The following EPHB1 variants were observed in gnomAD, a reference collection of about 807,000 sequenced individuals.
EPHB1 encodes ephrin type-B receptor 1.
In EPHB1, 30 loss-of-function variants were observed where a neutral mutation model predicts 94.4. The observed-to-expected ratio is 0.32, with a 90% CI of 0.24 to 0.43. The LOEUF (loss-of-function observed/expected upper bound fraction) is 0.43. EPHB1 is among the 20% of genes least tolerant of loss of function. The pLI is 1.00. For missense variants in EPHB1, 1,055 were observed against 1,308.3 expected, an observed-to-expected ratio of 0.81 and a Z score of 2.99; for synonymous variants, 522 against 489.1, an observed-to-expected ratio of 1.07 and a Z score of -0.89.
intron 1 of EPHB1, among the ~76,000 whole-genome samples, chr3:134,858,837 A>G (rs1037971976): frequency 6.6e-6 from 1 of 152,236 alleles, no homozygotes; most frequent in Non-Finnish European, 1.5e-5. Flanking sequence ...GTGGGTCCCC[A>G]GAGCCCAGCC....
At chr3:134,902,793 G>A (rs546168112) in intron 1 of EPHB1, among the ~76,000 whole-genome samples, 1 of 152,344 alleles carries the variant, frequency 6.6e-6, no homozygotes, top group African/African-American at 2.4e-5. Flanking sequence ...TAGGGTGAGT[G>A]TCAGCAGCCT....
At chr3:134,999,862 A>G (rs958738193) in intron 3 of EPHB1, among the ~76,000 whole-genome samples, 2 of 152,206 alleles carry the variant, frequency 1.3e-5, no homozygotes, top group Admixed American at 1.3e-4. Context: ...AGTGGCCTTG[A>G]TTAAGCCAGG....
chr3:135,225,055 G>A (rs543558568), intron 12 of EPHB1, among the ~76,000 whole-genome samples: 1 of 152,220 alleles, frequency 6.6e-6, no homozygotes, highest in East Asian at 1.9e-4. Context: ...CACGTTGAGG[G>A]GGGAAGCAGA....
At chr3:135,075,135 C>A (rs1937864485) in intron 3 of EPHB1, among the ~76,000 whole-genome samples, 1 of 152,150 alleles carries the variant, frequency 6.6e-6, no homozygotes, top group Admixed American at 6.5e-5. Context: ...AAAGTATGAG[C>A]CTTTAAGCAG....
intron 1 of EPHB1, among the ~76,000 whole-genome samples, chr3:134,847,388 G>A (rs1437173862): frequency 6.6e-6 from 1 of 152,180 alleles, no homozygotes; most frequent in Non-Finnish European, 1.5e-5. Context: ...TAAGCTCACT[G>A]AGCCTCAGTT....
Position 134,856,987 on chromosome 3 carries a change from C to T in EPHB1, c.58+61298C>T, listed in dbSNP as rs552114628. Among the ~76,000 whole-genome samples, 3 of 152,348 alleles carry T rather than the reference C, an allele frequency of 2.0e-5. No individual in the cohort carries two copies. In the East Asian group the frequency reaches 5.8e-4, roughly 29 times the overall value. On this transcript the variant is annotated intron_variant, in intron 1 of 15. Transcript: ENST00000398015. ...TGAATCTGTATTGCATAAAATGCAT[C>T]TAAAGAAGGAATGTATCCTTCCAGA...
At chr3:135,089,063 A>G (rs1267053194) in intron 3 of EPHB1, among the ~76,000 whole-genome samples, 2 of 152,212 alleles carry the variant, frequency 1.3e-5, no homozygotes, top group Admixed American at 6.5e-5. Flanking sequence ...GGCTCTAAGT[A>G]GTAGAGTCTG....
chr3:135,226,435 G>T (rs1943403634), intron 12 of EPHB1, among the ~76,000 whole-genome samples: 1 of 152,230 alleles, frequency 6.6e-6, no homozygotes, highest in African/African-American at 2.4e-5. Flanking sequence ...TGCCCCTGGA[G>T]ATCTGAGATA....
At chr3:135,061,677 A>T (rs1352081801) in intron 3 of EPHB1, among the ~76,000 whole-genome samples, 5 of 151,982 alleles carry the variant, frequency 3.3e-5, no homozygotes, top group Middle Eastern at 3.4e-3. Flanking sequence ...TACATGTTCC[A>T]TGTGGGTGTG....
chr3:134,867,538 T>G (rs1409203763), intron 1 of EPHB1, among the ~76,000 whole-genome samples: 5 of 151,462 alleles, frequency 3.3e-5, no homozygotes, highest in Admixed American at 1.3e-4. Context: ...TGACAGGGAG[T>G]GAGAGGTGCA....
Position 135,167,839 on chromosome 3 carries a change from C to T in EPHB1, c.1759+833C>T, listed in dbSNP as rs527768805. ...CTGTCAAGGCTTCTTCTGTGAGCCT[C>T]ATCTCACCTCAACCCCCTTGTTGCA... On this transcript the variant is annotated intron_variant, in intron 9 of 15. Coordinates refer to ENST00000398015, the MANE Select transcript of EPHB1 (RefSeq NM_004441.5). 4.6e-5 allele frequency among the ~76,000 whole-genome samples: 7 copies of T among 152,332 alleles called. No individual in the cohort carries two copies. The South Asian group carries it at 1.2e-3, about 27-fold the overall frequency.
At chr3:134,870,543 C>T (rs2037478272) in intron 1 of EPHB1, among the ~76,000 whole-genome samples, 1 of 152,212 alleles carries the variant, frequency 6.6e-6, no homozygotes, top group African/African-American at 2.4e-5. Flanking sequence ...CAACCAGACA[C>T]AACAAATTCT....
intron 15 of EPHB1, among the ~76,000 whole-genome samples, chr3:135,258,236 C>G (rs1933500552): frequency 6.6e-6 from 1 of 152,182 alleles, no homozygotes; most frequent in African/African-American, 2.4e-5. Flanking sequence ...CCTCCAATCA[C>G]TGTTAATTAA....
At chr3:135,016,543 G>C (rs1007272790) in intron 3 of EPHB1, among the ~76,000 whole-genome samples, 1 of 152,216 alleles carries the variant, frequency 6.6e-6, no homozygotes, top group Non-Finnish European at 1.5e-5. Flanking sequence ...CACAGAGCTG[G>C]TTGCAGTGCA....
intron 1 of EPHB1, among the ~76,000 whole-genome samples, chr3:134,863,651 G>A (rs2037312548): frequency 1.3e-5 from 2 of 152,218 alleles, no homozygotes; most frequent in African/African-American, 4.8e-5. Flanking sequence ...CAAGTTTTTA[G>A]AAAGAAATTC....
At chr3:134,909,799 C>A (rs1296233645) in intron 1 of EPHB1, among the ~76,000 whole-genome samples, 1 of 152,232 alleles carries the variant, frequency 6.6e-6, no homozygotes, top group African/African-American at 2.4e-5. Flanking sequence ...GGACAAATGA[C>A]TCTTTCCTTG....
At chr3:135,118,773 G>A (rs16842632) in intron 4 of EPHB1, among the ~76,000 whole-genome samples, 43,754 of 152,076 alleles carry the variant, frequency 0.29, 6,779 homozygotes, top group East Asian at 0.61. Flanking sequence ...AATTGCACAG[G>A]GAGGCCCTAG....
intron 5 of EPHB1, among the ~76,000 whole-genome samples, chr3:135,146,235 A>G (rs912191913): frequency 1.3e-5 from 2 of 152,228 alleles, no homozygotes; most frequent in South Asian, 2.1e-4. Flanking sequence ...TCAAGAAAAG[A>G]GATGCCCACA....
chr3:135,236,421 A>G (rs759553304), intron 12 of EPHB1, among the ~76,000 whole-genome samples: 1 of 152,116 alleles, frequency 6.6e-6, no homozygotes, highest in South Asian at 2.1e-4. Context: ...TTTCCAAAGA[A>G]GATCACATTC....
Sources: allele counts gnomAD v4.1 joint callset (sites outside exome capture counted in the v4.1 genomes callset), GRCh38; gene constraint gnomAD v4.1.1; transcripts MANE v1.5; gene names NCBI Gene and HGNC (gene_info 2026-07-23, HGNC 2026-07-21).